The following TOX variants were observed in gnomAD, a reference collection of about 807,000 sequenced individuals.
TOX encodes thymocyte selection-associated high mobility group box protein TOX.
In TOX, 11 loss-of-function variants were observed where a neutral mutation model predicts 53.7. The observed-to-expected ratio is 0.20, with a 90% confidence interval of 0.13 to 0.34. The LOEUF (loss-of-function observed/expected upper bound fraction) is 0.34. Among genes scored for constraint, TOX ranks in the 10% least tolerant of loss-of-function variants. The probability of loss-of-function intolerance (pLI) is 1.00; values close to 1 mark genes in which losing one functional copy is unlikely to be tolerated. For missense variants in TOX, 570 were observed against 664.6 expected, an observed-to-expected ratio of 0.86 and a Z score of 1.56; for synonymous variants, 225 against 245.3, an observed-to-expected ratio of 0.92 and a Z score of 0.77.
chr8:58,919,252 A>G (rs1300127042), intron 3 of TOX, among the ~76,000 whole-genome samples: 19 of 116,088 alleles, frequency 1.6e-4, no homozygotes, highest in Non-Finnish European at 2.8e-4. Flanking sequence ...CGCCAAGTCA[A>G]TCCTAAGCCA....
Position 58,815,632 on chromosome 8 carries a change from G to A in TOX, c.1098C>T (p.His366=). 1 of 1,614,176 alleles carries A rather than the reference G, an allele frequency of 6.2e-7. No homozygotes were observed. Residue 366 remains histidine (H), a synonymous_variant, in exon 7 of 9, where the codon CAC becomes CAT. Coordinates refer to ENST00000361421, the MANE Select transcript of TOX (RefSeq NM_014729.3). The part of the protein sequence containing the change: ...PSVFHGPSQA[H]SALYLSSHYH... ...AGTGGGAACTTAGGTACAGGGCCGA[G>A]TGGGCCTGGCTGGGCCCATGGAACA...
chr8:58,827,255 T>G (rs575179243), intron 5 of TOX, among the ~76,000 whole-genome samples: 102 of 152,320 alleles, frequency 6.7e-4, no homozygotes, highest in Admixed American at 1.6e-3. Flanking sequence ...TTCATATTTA[T>G]ATAATGGGCA....
chr8:58,978,109 G>C (rs575055136), intron 1 of TOX, among the ~76,000 whole-genome samples: 1 of 152,296 alleles, frequency 6.6e-6, no homozygotes, highest in South Asian at 2.1e-4. Flanking sequence ...GCAATTTAAT[G>C]GGTTAATAAC....
At chr8:59,087,934 G>A (rs528649008) in intron 1 of TOX, among the ~76,000 whole-genome samples, 1 of 152,302 alleles carries the variant, frequency 6.6e-6, no homozygotes, top group South Asian at 2.1e-4. Flanking sequence ...TTTTATTTAT[G>A]TCATGTGTCC....
intron 1 of TOX, among the ~76,000 whole-genome samples, chr8:59,114,482 T>C (rs909957437): frequency 3.9e-5 from 6 of 152,214 alleles, no homozygotes; most frequent in Non-Finnish European, 7.3e-5. Context: ...CTTTCTTACA[T>C]AGGCATTTAT....
intron 1 of TOX, among the ~76,000 whole-genome samples, chr8:58,963,180 T>G (rs1812830421): frequency 6.6e-6 from 1 of 152,206 alleles, no homozygotes; most frequent in Admixed American, 6.5e-5. Context: ...GGTCTGGAAC[T>G]ACACCATCGG....
In TOX at chr8:58,889,925, C is replaced by A. The variant is rs1241623322; in HGVS notation, c.412-38120G>T. On this transcript the variant is annotated intron_variant, in intron 3 of 8. Coordinates refer to ENST00000361421, the MANE Select transcript of TOX (RefSeq NM_014729.3). Reference sequence around the variant, plus strand: ...AAAAACAAAGTTTCCAATTTAAAAACCTTAGAGGCTATATATGTTATGACA... The same window carrying A: ...AAAAACAAAGTTTCCAATTTAAAAAACTTAGAGGCTATATATGTTATGACA... Among the ~76,000 whole-genome samples the A allele has an allele frequency of 3.9e-5, 6 of 152,196 alleles. No homozygotes were observed. In the East Asian group the frequency reaches 1.2e-3, roughly 29 times the overall value.
Position 59,001,244 on chromosome 8 carries a change from A to T in TOX, c.103-41236T>A, listed in dbSNP as rs144109525. ...GTTTATGGTTTTTCAGATATAGATT[A>T]TGATGCTGATACATCAAAGAGGTGA... On this transcript the variant is annotated intron_variant, in intron 1 of 8. Transcript: ENST00000361421. 8.5e-5 allele frequency among the ~76,000 whole-genome samples: 13 copies of T among 152,360 alleles called. 1 individual carries two copies. Among genetic ancestry groups the T allele is most frequent in the African/African-American group, 2.6e-4 (11 of 41,586 alleles).
At chr8:59,013,363 T>C (rs190315861) in intron 1 of TOX, among the ~76,000 whole-genome samples, 1 of 152,244 alleles carries the variant, frequency 6.6e-6, no homozygotes. Flanking sequence ...AAAGTTATCA[T>C]TTGATAATTT....
chr8:59,036,365 G>C (rs1486940233), intron 1 of TOX, among the ~76,000 whole-genome samples: 1 of 152,160 alleles, frequency 6.6e-6, no homozygotes, highest in Non-Finnish European at 1.5e-5. Flanking sequence ...CAGTGAGAGA[G>C]GCCCAGAGAC....
intron 3 of TOX, among the ~76,000 whole-genome samples, chr8:58,906,531 C>A (rs920140484): frequency 4.6e-5 from 7 of 152,186 alleles, no homozygotes; most frequent in African/African-American, 1.7e-4. Flanking sequence ...CAATTACAAT[C>A]TGTCAAACTG....
At chr8:58,837,985 G>T in intron 5 of TOX, 96 bp downstream of exon 5, 1 of 1,150,040 alleles carries the variant, frequency 8.7e-7, no homozygotes, top group Non-Finnish European at 1.3e-6. Context: ...GTCTGTTCTG[G>T]GATCTAAAGA....
At chr8:59,101,286 C>A (rs899955021) in intron 1 of TOX, among the ~76,000 whole-genome samples, 12 of 152,052 alleles carry the variant, frequency 7.9e-5, no homozygotes, top group Non-Finnish European at 1.3e-4. Flanking sequence ...CTTTTTCTAT[C>A]CTCACCATTT....
chr8:58,943,005 A>G (rs1223562971), intron 2 of TOX, among the ~76,000 whole-genome samples: 1 of 152,214 alleles, frequency 6.6e-6, no homozygotes, highest in Admixed American at 6.5e-5. Flanking sequence ...AGCCTGCAGA[A>G]CTGTGAGCCA....
At chr8:58,961,128 A>C (rs1812789715) in intron 1 of TOX, among the ~76,000 whole-genome samples, 1 of 152,218 alleles carries the variant, frequency 6.6e-6, no homozygotes, top group African/African-American at 2.4e-5. Context: ...TGTACTATAG[A>C]CATCTCATTC....
chr8:59,007,671 TA>T (rs942193713), intron 1 of TOX, among the ~76,000 whole-genome samples: 2 of 151,878 alleles, frequency 1.3e-5, no homozygotes, highest in Non-Finnish European at 2.9e-5. Flanking sequence ...GGGGGGGAAA[TA>T]AAAAAATACA....
chr8:58,941,155 G>A (rs1314819844), intron 2 of TOX, among the ~76,000 whole-genome samples: 1 of 152,176 alleles, frequency 6.6e-6, no homozygotes, highest in African/African-American at 2.4e-5. Flanking sequence ...AAAATTACAA[G>A]TTTGATGAAA....
chr8:58,895,951 C>T (rs546045980), intron 3 of TOX, among the ~76,000 whole-genome samples: 4 of 152,242 alleles, frequency 2.6e-5, no homozygotes, highest in Non-Finnish European at 2.9e-5. Flanking sequence ...GAGCAGATGA[C>T]TTGTAAGTAA....
At chr8:59,113,847 A>G (rs1805060096) in intron 1 of TOX, among the ~76,000 whole-genome samples, 2 of 152,166 alleles carry the variant, frequency 1.3e-5, no homozygotes, top group Admixed American at 1.3e-4. Flanking sequence ...AGTATTTGAG[A>G]AACACCCGCA....
Sources: allele counts gnomAD v4.1 joint callset (sites outside exome capture counted in the v4.1 genomes callset), GRCh38; gene constraint gnomAD v4.1.1; transcripts MANE v1.5; gene names NCBI Gene and HGNC (gene_info 2026-07-23, HGNC 2026-07-21).